Variants in PTBP3 observed in about 807,000 individuals in gnomAD.
PTBP3 encodes polypyrimidine tract-binding protein 3.
Under a neutral mutation model 58.7 loss-of-function variants are expected in PTBP3, and 20 were observed. The observed-to-expected ratio is 0.34, with a 90% confidence interval of 0.24 to 0.50. The LOEUF (loss-of-function observed/expected upper bound fraction) is 0.50, where lower values mean the gene tolerates loss of function less well. PTBP3 is among the 20% of genes least tolerant of loss of function. The probability of loss-of-function intolerance (pLI) is 0.98; values close to 1 mark genes in which losing one functional copy is unlikely to be tolerated. For missense variants in PTBP3, 509 were observed against 637.2 expected (o/e 0.80, Z 2.17); for synonymous variants, 185 against 219.8 (o/e 0.84, Z 1.40).
chr9:112,303,177 C>T (rs546512050), intron 1 of PTBP3, among the ~76,000 whole-genome samples: 1 of 152,270 alleles, frequency 6.6e-6, no homozygotes, highest in Admixed American at 6.5e-5. Context: ...ACTTATTCTG[C>T]ATCTTTTTAT....
the PTBP3 span, among the ~76,000 whole-genome samples, chr9:112,365,765 TG>T: frequency 6.6e-6 from 1 of 152,042 alleles, no homozygotes; most frequent in Admixed American, 6.6e-5. Context: ...CCTAGAGACT[TG>T]TTGAATAGTT....
the PTBP3 span, among the ~76,000 whole-genome samples, chr9:112,351,253 T>C: frequency 6.6e-6 from 1 of 152,230 alleles, no homozygotes; most frequent in Non-Finnish European, 1.5e-5. Context: ...TCGTTTGTGA[T>C]GACCTTCACA....
intron 1 of PTBP3, among the ~76,000 whole-genome samples, chr9:112,312,788 A>C (rs1829545450): frequency 1.3e-5 from 2 of 152,156 alleles, no homozygotes; most frequent in Non-Finnish European, 2.9e-5. Flanking sequence ...TCATGCATGT[A>C]ATCCCAGAAC....
upstream of PTBP3, among the ~76,000 whole-genome samples, chr9:112,338,073 C>A (rs1830590409): frequency 6.6e-6 from 1 of 152,120 alleles, no homozygotes; most frequent in South Asian, 2.1e-4. Flanking sequence ...AGGTTACATG[C>A]TGTATGATTC....
At chr9:112,261,549 C>G (rs1759339578) in intron 5 of PTBP3, among the ~76,000 whole-genome samples, 1 of 152,090 alleles carries the variant, frequency 6.6e-6, no homozygotes, top group South Asian at 2.1e-4. Flanking sequence ...ATGACTCTGT[C>G]AAATGAAAAT....
intron 1 of PTBP3, among the ~76,000 whole-genome samples, chr9:112,330,787 A>G (rs1283665495): frequency 6.6e-6 from 1 of 152,198 alleles, no homozygotes; most frequent in Non-Finnish European, 1.5e-5. Context: ...AAGCCAAACC[A>G]AAACTTAAAA....
At chr9:112,335,435 G>A (rs1253519771), upstream of PTBP3, among the ~76,000 whole-genome samples, 5 of 151,392 alleles carry the variant, frequency 3.3e-5, no homozygotes, top group Admixed American at 1.3e-4. Flanking sequence ...ACAGGCGCCC[G>A]CCACCACGCC....
chr9:112,330,869 G>A (rs1357954591), intron 1 of PTBP3, among the ~76,000 whole-genome samples: 3 of 152,160 alleles, frequency 2.0e-5, no homozygotes, highest in Admixed American at 6.6e-5. Context: ...AACAAAACCA[G>A]TGCTTGGATT....
chr9:112,334,755 A>G (rs999360432), upstream of PTBP3, among the ~76,000 whole-genome samples: 2 of 152,254 alleles, frequency 1.3e-5, no homozygotes, highest in Admixed American at 6.5e-5. Flanking sequence ...TCATTCAGTC[A>G]GTATTAACCT....
At chr9:112,252,616 C>T in intron 6 of PTBP3, 62 bp downstream of exon 6, 1 of 1,217,000 alleles carries the variant, frequency 8.2e-7, no homozygotes, top group Admixed American at 1.8e-5. Flanking sequence ...TAAAGTGGGG[C>T]ACAAGAGAAG....
chr9:112,306,604 A>ATATATATATT (rs1341386115), intron 1 of PTBP3, among the ~76,000 whole-genome samples: 3 of 104,036 alleles, frequency 2.9e-5, no homozygotes. Context: ...ATATATATAT[A>ATATATATATT]TTTTTGTTTG....
At chr9:112,251,391 G>C (rs943416068) in intron 6 of PTBP3, among the ~76,000 whole-genome samples, 21 of 152,094 alleles carry the variant, frequency 1.4e-4, no homozygotes, top group African/African-American at 5.1e-4. Flanking sequence ...GAAAACTACT[G>C]TCTATCATAG....
intron 7 of PTBP3, 62 bp from the exon 8 acceptor site, chr9:112,234,959 A>T: frequency 1.4e-6 from 2 of 1,385,016 alleles, no homozygotes; most frequent in Non-Finnish European, 2.0e-6. Context: ...TATCAAAGCA[A>T]TATAAAATGG....
rs778711011 is a variant in PTBP3 at position 112,297,893 on chromosome 9, A to T, written c.-28T>A. 8 of 1,613,406 alleles carry T rather than the reference A, an allele frequency of 5.0e-6. No individual in the cohort carries two copies. The highest frequency in any genetic ancestry group is 6.8e-6 in the Non-Finnish European group (8 of 1,179,658). On this transcript the variant is annotated 5_prime_UTR_variant, in exon 2 of 14. Coordinates refer to ENST00000374257, the MANE Select transcript of PTBP3 (RefSeq NM_001163788.4). ...TAAAAGGTCCGTTAATGATGCCAGA[A>T]GAAAGAAGCTCATCAGATCCCCGCT...
intron 3 of PTBP3, among the ~76,000 whole-genome samples, chr9:112,269,104 G>A (rs1016585733): frequency 6.6e-6 from 1 of 151,256 alleles, no homozygotes; most frequent in African/African-American, 2.4e-5. Context: ...GGCTAAGGCA[G>A]GAGAATCACT....
chr9:112,265,359 TG>T (rs1174378493), intron 4 of PTBP3, among the ~76,000 whole-genome samples: 1 of 143,242 alleles, frequency 7.0e-6, no homozygotes, highest in Non-Finnish European at 1.5e-5. Flanking sequence ...AAAAATTAGC[TG>T]GGCGTGGTGG....
the PTBP3 span, among the ~76,000 whole-genome samples, chr9:112,366,803 G>C: frequency 6.6e-6 from 1 of 152,148 alleles, no homozygotes; most frequent in African/African-American, 2.4e-5. Flanking sequence ...CCAGGCCCCA[G>C]AATGATAGAT....
the PTBP3 span, among the ~76,000 whole-genome samples, chr9:112,366,556 T>C: frequency 8.5e-5 from 13 of 152,102 alleles, no homozygotes; most frequent in African/African-American, 3.1e-4. Context: ...CTCGGAAGCT[T>C]CCACGTGGTG....
chr9:112,301,643 G>C (rs979966370), intron 1 of PTBP3, among the ~76,000 whole-genome samples: 1 of 152,108 alleles, frequency 6.6e-6, no homozygotes, highest in African/African-American at 2.4e-5. Flanking sequence ...GTACCATAAG[G>C]AGATCTTTGT....
Sources: gnomAD v4.1 joint callset for allele counts (sites outside exome capture counted in the v4.1 genomes callset) on GRCh38, gnomAD v4.1.1 for gene constraint, MANE v1.5 for transcripts, NCBI Gene and HGNC (gene_info 2026-07-23, HGNC 2026-07-21) for gene names.